Variants in CSNK1G1 observed in about 807,000 individuals in gnomAD.
CSNK1G1 encodes casein kinase 1 gamma 1.
In CSNK1G1, 22 loss-of-function variants were observed where a neutral mutation model predicts 59.6. The ratio of observed to expected loss-of-function variants is 0.37; its 90% confidence interval spans 0.26 to 0.53. CSNK1G1 has a LOEUF of 0.53. Ranked by LOEUF, CSNK1G1 falls within the 20% of genes least tolerant of loss-of-function variation. The pLI, the probability that CSNK1G1 is intolerant of heterozygous loss-of-function variation, is 0.89. For missense variants in CSNK1G1, 384 were observed against 519.5 expected, an observed-to-expected ratio of 0.74 and a Z score of 2.54; for synonymous variants, 179 against 177.1, an observed-to-expected ratio of 1.01 and a Z score of -0.08.
At chr15:64,253,253 G>T (rs1892188166) in intron 3 of CSNK1G1, among the ~76,000 whole-genome samples, 1 of 152,162 alleles carries the variant, frequency 6.6e-6, no homozygotes, top group Non-Finnish European at 1.5e-5. Flanking sequence ...GATGAGGTGG[G>T]AGGATTGCTT....
At chr15:64,245,720 T>C (rs1323924230) in intron 4 of CSNK1G1, among the ~76,000 whole-genome samples, 2 of 150,916 alleles carry the variant, frequency 1.3e-5, no homozygotes, top group East Asian at 3.9e-4. Flanking sequence ...GACTGGGCAG[T>C]ATAGCGAGAC....
chr15:64,224,795 G>A (rs1379323595), intron 4 of CSNK1G1, among the ~76,000 whole-genome samples: 1 of 152,132 alleles, frequency 6.6e-6, no homozygotes, highest in Non-Finnish European at 1.5e-5. Flanking sequence ...AGGCAGTGAG[G>A]AAAGGCAAAA....
At chr15:64,334,054 G>T (rs148682744) in intron 1 of CSNK1G1, among the ~76,000 whole-genome samples, 64 of 152,260 alleles carry the variant, frequency 4.2e-4, no homozygotes, top group African/African-American at 1.4e-3. Flanking sequence ...GATTTAAACT[G>T]CACTTGAGAA....
At chr15:64,326,766 G>A (rs555483347) in intron 1 of CSNK1G1, among the ~76,000 whole-genome samples, 3 of 151,706 alleles carry the variant, frequency 2.0e-5, no homozygotes, top group South Asian at 2.1e-4. Context: ...GAGGTACCGG[G>A]TTCATCTCAC....
chr15:64,295,593 G>C (rs527321332), intron 2 of CSNK1G1, among the ~76,000 whole-genome samples: 62 of 152,094 alleles, frequency 4.1e-4, no homozygotes, highest in Admixed American at 4.0e-3. Context: ...ACAGTGAAAG[G>C]AATTAGAATA....
chr15:64,305,739 T>C (rs1895651499), intron 1 of CSNK1G1, among the ~76,000 whole-genome samples: 1 of 114,070 alleles, frequency 8.8e-6, no homozygotes, highest in Non-Finnish European at 1.9e-5. Context: ...AAACTTACTA[T>C]AAAGCTACAG....
chr15:64,191,534 T>C (rs2081970717), intron 10 of CSNK1G1, among the ~76,000 whole-genome samples: 1 of 152,232 alleles, frequency 6.6e-6, no homozygotes, highest in Admixed American at 6.5e-5. Context: ...CACAGGGCTA[T>C]GTGGTTCTTT....
chr15:64,246,636 AAAAG>A (rs1422369940), intron 4 of CSNK1G1, among the ~76,000 whole-genome samples: 1 of 105,422 alleles, frequency 9.5e-6, no homozygotes, highest in African/African-American at 4.7e-5. Flanking sequence ...AAAAAAAAAA[AAAAG>A]GGGGGGGGGG....
chr15:64,320,391 A>C (rs1373753638), intron 1 of CSNK1G1, among the ~76,000 whole-genome samples: 1 of 151,770 alleles, frequency 6.6e-6, no homozygotes, highest in Non-Finnish European at 1.5e-5. Flanking sequence ...CCATATAAAA[A>C]TATGGGGCCG....
At chr15:64,345,009 T>C (rs1164353000) in intron 1 of CSNK1G1, among the ~76,000 whole-genome samples, 1 of 152,184 alleles carries the variant, frequency 6.6e-6, no homozygotes, top group Non-Finnish European at 1.5e-5. Context: ...GTTGACTTAT[T>C]TAACTAGGTG....
chr15:64,167,890 T>C lies in CSNK1G1; in HGVS notation c.*4041A>G, dbSNP rs1174189271. ...TGGGAGGAGGAATGGATTTTATCTT[T>C]TACATAAAAAAGTTAAGGCTATAAT... On this transcript the variant is annotated 3_prime_UTR_variant, in exon 12 of 12. Transcript: ENST00000303052. 2 of 152,258 alleles carry C rather than the reference T, an allele frequency of 1.3e-5. No homozygotes were observed. The highest frequency in any genetic ancestry group is 2.9e-5 in the Non-Finnish European group (2 of 68,050). The allele number at this position is 152,258 out of a possible 1,614,324, so 9.4% of individuals were successfully genotyped here.
chr15:64,317,403 G>C (rs1172182989), intron 1 of CSNK1G1, among the ~76,000 whole-genome samples: 2 of 151,256 alleles, frequency 1.3e-5, no homozygotes, highest in African/African-American at 2.4e-5. Flanking sequence ...GTTTTCTATA[G>C]AATTTTTGTA....
chr15:64,269,415 T>C (rs561874784), intron 2 of CSNK1G1, among the ~76,000 whole-genome samples: 1 of 152,250 alleles, frequency 6.6e-6, no homozygotes, highest in South Asian at 2.1e-4. Context: ...CAGGTGTATG[T>C]GTCCAGGAAT....
At chr15:64,275,404 GA>G (rs949335198) in intron 2 of CSNK1G1, among the ~76,000 whole-genome samples, 6 of 151,828 alleles carry the variant, frequency 4.0e-5, no homozygotes, top group Non-Finnish European at 7.4e-5. Flanking sequence ...CAACTCTAAA[GA>G]AAAAAAGCAG....
intron 1 of CSNK1G1, among the ~76,000 whole-genome samples, chr15:64,308,429 C>T (rs994439815): frequency 3.5e-5 from 2 of 57,190 alleles, no homozygotes; most frequent in Non-Finnish European, 9.5e-5. Context: ...TTTAGAACAG[C>T]TGTTCATTAT....
At chr15:64,208,116 T>C (rs1293726178) in intron 6 of CSNK1G1, among the ~76,000 whole-genome samples, 1 of 152,240 alleles carries the variant, frequency 6.6e-6, no homozygotes, top group South Asian at 2.1e-4. Context: ...TTCATATCAA[T>C]GAACATCAGT....
intron 11 of CSNK1G1, chr15:64,180,122 T>C (rs1317183531): frequency 1.9e-6 from 1 of 524,728 alleles, no homozygotes; most frequent in Non-Finnish European, 3.5e-6. Flanking sequence ...GTTCACTATG[T>C]CTTTTTCATG....
chr15:64,335,279 C>T (rs1020731820), intron 1 of CSNK1G1, among the ~76,000 whole-genome samples: 8 of 152,106 alleles, frequency 5.3e-5, no homozygotes, highest in Non-Finnish European at 1.2e-4. Context: ...CTTTCCTTCC[C>T]TACTCAAGGA....
chr15:64,340,232 A>G (rs1026841798), intron 1 of CSNK1G1, among the ~76,000 whole-genome samples: 4 of 152,238 alleles, frequency 2.6e-5, no homozygotes, highest in Non-Finnish European at 4.4e-5. Context: ...CAAAGTAACT[A>G]TATCTGCAAA....
Sources: gnomAD v4.1 joint callset for allele counts (sites outside exome capture counted in the v4.1 genomes callset) on GRCh38, gnomAD v4.1.1 for gene constraint, MANE v1.5 for transcripts, NCBI Gene and HGNC (gene_info 2026-07-23, HGNC 2026-07-21) for gene names.